Variants in PTPRN2 observed in about 807,000 individuals in gnomAD.
The protein encoded by PTPRN2 is receptor-type tyrosine-protein phosphatase N2.
PTPRN2 carries 74 observed loss-of-function variants against 118.8 expected under a neutral mutation model. The observed-to-expected ratio is 0.62, with a 90% CI of 0.52 to 0.76. The LOEUF (loss-of-function observed/expected upper bound fraction) is 0.76, where lower values mean the gene tolerates loss of function less well. PTPRN2 is among the 30% of genes least tolerant of loss of function. The pLI is 0.00. For missense variants in PTPRN2, 1,481 were observed against 1,394.4 expected, an observed-to-expected ratio of 1.06 and a Z score of -0.99; for synonymous variants, 641 against 608.0, an observed-to-expected ratio of 1.05 and a Z score of -0.80.
chr7:158,457,905 G>A (rs1818657653), intron 2 of PTPRN2, among the ~76,000 whole-genome samples: 1 of 152,210 alleles, frequency 6.6e-6, no homozygotes, highest in South Asian at 2.1e-4. Flanking sequence ...TACACCCTGA[G>A]TGTTCTCAGC....
intron 11 of PTPRN2, among the ~76,000 whole-genome samples, chr7:158,075,928 C>T (rs955620164): frequency 2.6e-5 from 4 of 152,200 alleles, no homozygotes; most frequent in African/African-American, 9.6e-5. Flanking sequence ...AACCTGGAGC[C>T]GGGCTGCCCA....
chr7:158,365,954 GCACATGCA>G (rs1359743357), intron 2 of PTPRN2, among the ~76,000 whole-genome samples: 9 of 135,598 alleles, frequency 6.6e-5, no homozygotes, highest in African/African-American at 2.5e-4. Flanking sequence ...ATGCACACAT[GCACATGCA>G]CACATGCACA....
chr7:157,568,366 A>G (rs1007273295), intron 21 of PTPRN2, among the ~76,000 whole-genome samples: 2 of 152,206 alleles, frequency 1.3e-5, no homozygotes, highest in South Asian at 2.1e-4. Flanking sequence ...GATTCCCTAG[A>G]TAAGAAGGAC....
At chr7:157,980,996 G>A (rs535251949) in intron 11 of PTPRN2, among the ~76,000 whole-genome samples, 19 of 150,572 alleles carry the variant, frequency 1.3e-4, no homozygotes, top group Non-Finnish European at 2.2e-4. Flanking sequence ...CAGGTGGGGG[G>A]TAAGTAGCCA....
Position 158,526,461 on chromosome 7 carries a change from G to A in PTPRN2, c.113-36676C>T, listed in dbSNP as rs139339085. Among the ~76,000 whole-genome samples the A allele has an allele frequency of 2.7e-3, 407 of 152,314 alleles. 3 individuals carry two copies. The highest frequency in any genetic ancestry group is 9.3e-3 in the African/African-American group (386 of 41,576). ...ACAGGGTCTGGAGGTCTCTCCGCTG[G>A]TCACGGCCTCGGAATTCCGACATGC... is the stretch of plus-strand genomic sequence containing the variant. On this transcript the variant is annotated intron_variant, in intron 1 of 22. Transcript: ENST00000389418. The surrounding 1 kb of genome is among the most constrained non-coding windows in gnomAD (Gnocchi z 5.2).
chr7:158,425,898 C>T (rs555127206), intron 2 of PTPRN2, among the ~76,000 whole-genome samples: 1 of 143,136 alleles, frequency 7.0e-6, no homozygotes, highest in East Asian at 2.0e-4. Context: ...GCCTGCACAG[C>T]GCCGGGAAAG....
intron 5 of PTPRN2, among the ~76,000 whole-genome samples, chr7:158,191,902 T>C (rs1272507734): frequency 6.6e-6 from 1 of 152,128 alleles, no homozygotes; most frequent in Non-Finnish European, 1.5e-5. Flanking sequence ...ATGCAGTAGT[T>C]GCACCTGGTG....
At chr7:158,186,613 G>T (rs1468831028) in intron 5 of PTPRN2, among the ~76,000 whole-genome samples, 2 of 148,114 alleles carry the variant, frequency 1.4e-5, no homozygotes, top group Admixed American at 1.4e-4. Flanking sequence ...GGGCCCACCT[G>T]CCCCCTCTGT....
At chr7:158,371,337 C>CAAA (rs201386674) in intron 2 of PTPRN2, among the ~76,000 whole-genome samples, 2 of 139,618 alleles carry the variant, frequency 1.4e-5, no homozygotes, top group African/African-American at 5.1e-5. Context: ...CAAAGGAAAG[C>CAAA]AAAAAAAAAA....
At chr7:158,424,949 A>G (rs4909086) in intron 2 of PTPRN2, among the ~76,000 whole-genome samples, 147,984 of 152,260 alleles carry the variant, frequency 0.97, 71,953 homozygotes, top group African/African-American at 0.99. Flanking sequence ...AATCTCCCAT[A>G]CCAGCTCACC....
At chr7:158,395,086 C>T (rs779113006) in intron 2 of PTPRN2, among the ~76,000 whole-genome samples, 62 of 152,256 alleles carry the variant, frequency 4.1e-4, no homozygotes, top group Non-Finnish European at 7.8e-4. Flanking sequence ...GTGACTGACC[C>T]CTCGTTCCCG....
At chr7:158,413,602 C>T (rs1169815772) in intron 2 of PTPRN2, among the ~76,000 whole-genome samples, 2 of 152,228 alleles carry the variant, frequency 1.3e-5, no homozygotes, top group African/African-American at 4.8e-5. Flanking sequence ...GGGAAAGCCC[C>T]GTGTGGGCTC....
At chr7:157,659,500 G>A (rs556211208) in intron 13 of PTPRN2, among the ~76,000 whole-genome samples, 18 of 150,692 alleles carry the variant, frequency 1.2e-4, no homozygotes, top group African/African-American at 2.4e-4. Flanking sequence ...TATGGGGACC[G>A]GGCAGAGACG....
chr7:158,109,752 A>G (rs568611871), intron 10 of PTPRN2, among the ~76,000 whole-genome samples: 1 of 149,318 alleles, frequency 6.7e-6, no homozygotes, highest in African/African-American at 2.5e-5. Flanking sequence ...AGTGAATGAT[A>G]TCACCCCTGT....
At chr7:158,190,115 G>A (rs541394401) in intron 5 of PTPRN2, among the ~76,000 whole-genome samples, 5 of 152,252 alleles carry the variant, frequency 3.3e-5, no homozygotes, top group South Asian at 4.1e-4. Flanking sequence ...CGATAGTTAC[G>A]GTTACAGCTA....
chr7:158,203,348 C>T lies in PTPRN2; in HGVS notation c.380+1823G>A, dbSNP rs565663696. Among the ~76,000 whole-genome samples, 71 of 150,970 alleles carry T rather than the reference C, an allele frequency of 4.7e-4. 1 individual carries two copies. In the South Asian group the frequency reaches 0.013, roughly 28 times the overall value. On this transcript the variant is annotated intron_variant, in intron 4 of 22. Transcript: ENST00000389418. ...AGCATATGTATTTTAAACTTTTAAT[C>T]TCACTTATAACTCATAAAACAAAGA... is the stretch of plus-strand genomic sequence containing the variant.
intron 9 of PTPRN2, among the ~76,000 whole-genome samples, chr7:158,125,289 AC>A: frequency 2.0e-5 from 1 of 49,638 alleles, no homozygotes; most frequent in African/African-American, 8.4e-5. Flanking sequence ...CCCACGGCCG[AC>A]CCCCTGCCTC....
At chr7:157,749,838 G>C (rs1302813782) in intron 12 of PTPRN2, among the ~76,000 whole-genome samples, 2 of 144,792 alleles carry the variant, frequency 1.4e-5, no homozygotes, top group Non-Finnish European at 3.0e-5. Flanking sequence ...CTGCGTCCCT[G>C]AGCTGTGGGC....
chr7:158,315,027 G>A (rs112267082), intron 3 of PTPRN2, among the ~76,000 whole-genome samples: 12 of 134,448 alleles, frequency 8.9e-5, no homozygotes, highest in South Asian at 2.4e-4. Context: ...AGGTGAACCC[G>A]GGACGCCCTC....
Sources: gnomAD v4.1 joint callset for allele counts (sites outside exome capture counted in the v4.1 genomes callset) on GRCh38, gnomAD v4.1.1 for gene constraint, Gnocchi (gnomAD v3.1) non-coding constraint, MANE v1.5 for transcripts, NCBI Gene and HGNC (gene_info 2026-07-23, HGNC 2026-07-21) for gene names.